WDR70: variants seen among roughly 807,000 people sequenced by gnomAD.
The protein encoded by WDR70 is WD repeat domain 70, also known as WD repeat-containing protein 70.
In WDR70, 53 loss-of-function variants were observed where a neutral mutation model predicts 88.6. That is an observed-to-expected ratio of 0.60 (90% CI 0.48 to 0.75). The LOEUF is 0.75. Ranked by LOEUF, WDR70 falls within the 30% of genes least tolerant of loss-of-function variation. The probability of loss-of-function intolerance (pLI) is 0.00; values close to 1 mark genes in which losing one functional copy is unlikely to be tolerated. For missense variants in WDR70, 610 were observed against 823.2 expected (o/e 0.74, Z 3.17); for synonymous variants, 280 against 270.0 (o/e 1.04, Z -0.36).
intron 10 of WDR70, among the ~76,000 whole-genome samples, chr5:37,686,095 G>A (rs539991051): frequency 1.3e-5 from 2 of 152,252 alleles, no homozygotes; most frequent in East Asian, 3.9e-4. Context: ...CTTGAGCCCA[G>A]GAGTTCATGA....
Position 37,396,525 on chromosome 5 carries a change from A to C in WDR70, c.447A>C (p.Glu149Asp), listed in dbSNP as rs1749018220. 3 of 1,613,450 alleles carry C rather than the reference A, an allele frequency of 1.9e-6. No homozygotes were observed. The highest frequency in any genetic ancestry group is 2.5e-6 in the Non-Finnish European group (3 of 1,179,890). The change falls in exon 5 of 18, where the codon GAA becomes GAC. Residue 149 changes from glutamate to aspartate, a missense_variant. By Grantham distance (45) the Glu-to-Asp change is conservative (BLOSUM62 2). Transcript: ENST00000265107. ...LGPLPPPLNE[E>D]EEEAEEEEEE... ...CTTTACCTCCACCTCTTAATGAAGA[A>C]GAAGAAGAAGCAGAGGAAGAAGAAG...
intron 9 of WDR70, among the ~76,000 whole-genome samples, chr5:37,591,180 A>G (rs1226102994): frequency 1.3e-5 from 2 of 152,090 alleles, no homozygotes; most frequent in African/African-American, 2.4e-5. Context: ...TAAAAATACA[A>G]AAGTTAGCCA....
chr5:37,598,242 T>TA (rs1743758741), intron 9 of WDR70, among the ~76,000 whole-genome samples: 1 of 151,384 alleles, frequency 6.6e-6, no homozygotes, highest in South Asian at 2.1e-4. Context: ...ATAGTTTTTT[T>TA]AAATAACTGA....
At chr5:37,453,142 C>G (rs1738725699) in intron 7 of WDR70, among the ~76,000 whole-genome samples, 1 of 152,062 alleles carries the variant, frequency 6.6e-6, no homozygotes, top group Non-Finnish European at 1.5e-5. Flanking sequence ...ACATTATTTA[C>G]CTGAATATAT....
intron 8 of WDR70, among the ~76,000 whole-genome samples, chr5:37,504,855 C>T (rs549851908): frequency 6.6e-6 from 1 of 152,304 alleles, no homozygotes; most frequent in South Asian, 2.1e-4. Flanking sequence ...CATTTGGACA[C>T]AGCTAGTATC....
At chr5:37,692,201 G>T (rs1020344968) in intron 10 of WDR70, among the ~76,000 whole-genome samples, 4 of 151,978 alleles carry the variant, frequency 2.6e-5, no homozygotes, top group African/African-American at 7.3e-5. Context: ...CCAATAACAG[G>T]CTCTGAAATT....
intron 5 of WDR70, among the ~76,000 whole-genome samples, chr5:37,402,011 A>G (rs949081373): frequency 6.6e-6 from 1 of 152,232 alleles, no homozygotes; most frequent in African/African-American, 2.4e-5. Flanking sequence ...ACAATGCTAT[A>G]GAACACTAGA....
chr5:37,609,521 G>A (rs1744128348), intron 10 of WDR70, among the ~76,000 whole-genome samples: 1 of 152,178 alleles, frequency 6.6e-6, no homozygotes, highest in Non-Finnish European at 1.5e-5. Flanking sequence ...CAGGAAAATT[G>A]GGATTCATCT....
intron 7 of WDR70, among the ~76,000 whole-genome samples, chr5:37,445,447 G>C (rs1184711548): frequency 6.6e-6 from 1 of 151,090 alleles, no homozygotes; most frequent in Non-Finnish European, 1.5e-5. Context: ...TTATTTCCTG[G>C]CATCTTCTTA....
chr5:37,379,451 G>C (rs369130173), intron 1 of WDR70, 38 bp from the exon 2 acceptor site: 850 of 1,613,800 alleles, frequency 5.3e-4, no homozygotes, highest in Non-Finnish European at 6.6e-4. Flanking sequence ...CTGGGGCGCC[G>C]CACTAACTAG....
chr5:37,655,013 C>T (rs553168549), intron 10 of WDR70, among the ~76,000 whole-genome samples: 7 of 152,220 alleles, frequency 4.6e-5, no homozygotes, highest in East Asian at 3.9e-4. Flanking sequence ...TTATTTTGCC[C>T]GTTAATTGAT....
intron 7 of WDR70, among the ~76,000 whole-genome samples, chr5:37,447,273 C>T (rs1432922540): frequency 6.6e-6 from 1 of 152,072 alleles, no homozygotes; most frequent in Non-Finnish European, 1.5e-5. Flanking sequence ...GTGATCATTA[C>T]AAAGTCAGGA....
Position 37,731,539 on chromosome 5 carries a change from A to G in WDR70, c.1877+4494A>G, listed in dbSNP as rs140364311. ...CATTGGCAGTCAGATAAACTTATAG[A>G]TTATGGCTGTGTTGACACTTCTGTT... is the stretch of plus-strand genomic sequence containing the variant. On this transcript the variant is annotated intron_variant, in intron 17 of 17. Coordinates refer to ENST00000265107, the MANE Select transcript of WDR70 (RefSeq NM_018034.4). Among the ~76,000 whole-genome samples the G allele has an allele frequency of 5.3e-5, 8 of 152,260 alleles. No homozygotes were observed. In the East Asian group the frequency reaches 1.5e-3, roughly 29 times the overall value.
intron 10 of WDR70, among the ~76,000 whole-genome samples, chr5:37,696,889 G>A (rs1442111650): frequency 1.3e-5 from 2 of 152,142 alleles, no homozygotes; most frequent in Non-Finnish European, 2.9e-5. Flanking sequence ...AACATTAGAA[G>A]CAAAAATACT....
chr5:37,552,423 TAAAGAAA>T (rs1486155314), intron 9 of WDR70, among the ~76,000 whole-genome samples: 2 of 152,220 alleles, frequency 1.3e-5, no homozygotes, highest in Non-Finnish European at 2.9e-5. Context: ...TCCTGACCTT[TAAAGAAA>T]TACCAGTTAT....
intron 9 of WDR70, among the ~76,000 whole-genome samples, chr5:37,547,470 CTGTTA>C (rs1052532224): frequency 6.6e-6 from 1 of 151,806 alleles, no homozygotes; most frequent in African/African-American, 2.4e-5. Context: ...CCCTTCTTTT[CTGTTA>C]TGTTTTTATT....
chr5:37,447,037 C>T (rs1738505510), intron 7 of WDR70, among the ~76,000 whole-genome samples: 1 of 152,184 alleles, frequency 6.6e-6, no homozygotes, highest in South Asian at 2.1e-4. Flanking sequence ...TTGCAACCTA[C>T]CCATCTGACA....
In WDR70 at chr5:37,391,025, T is replaced by A. The variant is rs569116942; in HGVS notation, c.176-975T>A. Among the ~76,000 whole-genome samples the A allele has an allele frequency of 7.2e-5, 11 of 152,316 alleles. No individual in the cohort carries two copies. The East Asian group carries it at 2.1e-3, about 29-fold the overall frequency. ...GCCACTGCGCCTGGCCAAGAAGTGC[T>A]AAATTTATGTTTTAAAACATTAGAA... is the stretch of plus-strand genomic sequence containing the variant. On this transcript the variant is annotated intron_variant, in intron 3 of 17. Transcript: ENST00000265107.
In WDR70 at chr5:37,614,286, G is replaced by A. The variant is rs147184504; in HGVS notation, c.1092+9048G>A. On this transcript the variant is annotated intron_variant, in intron 10 of 17. Transcript: ENST00000265107. Reference sequence around the variant, plus strand: ...TGAGTCCTTCTTATGTCATAACACTGCGACCTTCTGTTCTGCTTCCCTCTG... The same window carrying A: ...TGAGTCCTTCTTATGTCATAACACTACGACCTTCTGTTCTGCTTCCCTCTG... 6.3e-3 allele frequency among the ~76,000 whole-genome samples: 957 copies of A among 152,190 alleles called. 2 individuals are homozygous for A. Among genetic ancestry groups the A allele is most frequent in the Middle Eastern group, 0.034 (10 of 294 alleles).
Sources: gnomAD v4.1 joint callset for allele counts (sites outside exome capture counted in the v4.1 genomes callset) on GRCh38, gnomAD v4.1.1 for gene constraint, MANE v1.5 for transcripts, NCBI Gene and HGNC (gene_info 2026-07-23, HGNC 2026-07-21) for gene names.